Variants in CNTN6 observed in about 807,000 individuals in gnomAD.
CNTN6 encodes the protein contactin-6.
In CNTN6, 137 loss-of-function variants were observed where a neutral mutation model predicts 122.8. That is an observed-to-expected ratio of 1.12 (90% CI 0.97 to 1.29). The LOEUF (loss-of-function observed/expected upper bound fraction) is 1.29. Among genes scored for constraint, CNTN6 ranks in the 50% most tolerant of loss-of-function variants. The probability of loss-of-function intolerance (pLI) is 0.00; values close to 1 mark genes in which losing one functional copy is unlikely to be tolerated. For missense variants in CNTN6, 1,634 were observed against 1,223.4 expected (o/e 1.34, Z -5.01); for synonymous variants, 570 against 426.0 (o/e 1.34, Z -4.16).
chr3:1,139,279 C>G (rs2092556159), intron 1 of CNTN6, among the ~76,000 whole-genome samples: 1 of 151,952 alleles, frequency 6.6e-6, no homozygotes, highest in African/African-American at 2.4e-5. Flanking sequence ...GTAAGTAGTC[C>G]CTGCATTCTG....
At chr3:1,104,873 A>G (rs2091143449) in intron 1 of CNTN6, among the ~76,000 whole-genome samples, 1 of 152,074 alleles carries the variant, frequency 6.6e-6, no homozygotes, top group African/African-American at 2.4e-5. Flanking sequence ...ATATTCTCCT[A>G]ATGCTGAAGG....
At chr3:1,235,527 G>C (rs955037485) in intron 4 of CNTN6, among the ~76,000 whole-genome samples, 1 of 151,976 alleles carries the variant, frequency 6.6e-6, no homozygotes, top group Non-Finnish European at 1.5e-5. Context: ...ATCCAATATT[G>C]TCTAAAAAGT....
Position 1,373,951 on chromosome 3 carries a change from A to G in CNTN6, c.1973A>G (p.Tyr658Cys). The G allele has an allele frequency of 6.2e-7, 1 of 1,612,608 alleles. No individual in the cohort carries two copies. Among genetic ancestry groups the G allele is most frequent in the South Asian group, 1.1e-5 (1 of 90,966 alleles). ...TVPEILNGKT[Y>C]NATVVGLSPW... ...CCAGAAATTCTCAATGGTAAGACAT[A>G]CAATGCAACAGTGGTTGGTTTGAGT... The change falls in exon 16 of 23, where the codon TAC becomes TGC. Residue 658 changes from tyrosine to cysteine, a missense_variant. Transcript: ENST00000446702.
intron 4 of CNTN6, among the ~76,000 whole-genome samples, chr3:1,267,987 C>A (rs1018488006): frequency 1.3e-5 from 2 of 152,148 alleles, no homozygotes; most frequent in African/African-American, 4.8e-5. Context: ...CTGGATACTC[C>A]CCTTTTTGCC....
At chr3:1,283,254 C>G (rs1466995529) in intron 5 of CNTN6, among the ~76,000 whole-genome samples, 2 of 152,068 alleles carry the variant, frequency 1.3e-5, no homozygotes, top group Non-Finnish European at 2.9e-5. Flanking sequence ...TGCTCCCAGC[C>G]CACAAAACTT....
At position 1,401,630 on chromosome 3, in the gene CNTN6, A is replaced by T. The variant is rs934247581; in HGVS notation, c.2817+85A>T. The T allele has an allele frequency of 3.8e-5, 31 of 813,316 alleles. No homozygotes were observed. In the African/African-American group the frequency reaches 5.3e-4, roughly 14 times the overall value. 50.4% of individuals were successfully genotyped at this position (813,316 alleles called of 1,614,324 possible). On this transcript the variant is annotated intron_variant, in intron 21 of 22. Coordinates refer to ENST00000446702, the MANE Select transcript of CNTN6 (RefSeq NM_001289080.2). ...GACACCCAAATGGAAAACAAATTGG[A>T]TGCATATGGAAACACTGGAATCTTT...
At chr3:1,272,758 G>A (rs922742237) in intron 4 of CNTN6, among the ~76,000 whole-genome samples, 2 of 152,152 alleles carry the variant, frequency 1.3e-5, no homozygotes, top group South Asian at 4.1e-4. Flanking sequence ...GCACTGTCAA[G>A]TGCATCGTCT....
chr3:1,292,987 C>A (rs918235739), intron 5 of CNTN6, among the ~76,000 whole-genome samples: 1 of 151,970 alleles, frequency 6.6e-6, no homozygotes, highest in African/African-American at 2.4e-5. Context: ...CCACATGACA[C>A]TACTTTTATG....
chr3:1,205,181 G>A (rs1301739349), intron 2 of CNTN6, among the ~76,000 whole-genome samples: 5 of 152,056 alleles, frequency 3.3e-5, no homozygotes, highest in Non-Finnish European at 5.9e-5. Flanking sequence ...TCTAGAAGTC[G>A]TATAAGGCAA....
At chr3:1,279,205 G>A (rs1692941314) in intron 5 of CNTN6, among the ~76,000 whole-genome samples, 1 of 152,144 alleles carries the variant, frequency 6.6e-6, no homozygotes, top group Admixed American at 6.5e-5. Flanking sequence ...CTTGGTCAGT[G>A]GACTGGCCCG....
chr3:1,398,870 C>G (rs755163201), intron 20 of CNTN6, among the ~76,000 whole-genome samples: 27 of 152,120 alleles, frequency 1.8e-4, no homozygotes, highest in Admixed American at 3.9e-4. Context: ...AAGGTACTCA[C>G]TCCGAATGCA....
chr3:1,273,609 C>G (rs921826907), intron 4 of CNTN6, among the ~76,000 whole-genome samples: 1 of 152,106 alleles, frequency 6.6e-6, no homozygotes, highest in African/African-American at 2.4e-5. Flanking sequence ...ATAAGGCAGA[C>G]TTATATCTTG....
At chr3:1,305,206 G>T (rs1192762947) in intron 7 of CNTN6, among the ~76,000 whole-genome samples, 1 of 152,106 alleles carries the variant, frequency 6.6e-6, no homozygotes, top group Non-Finnish European at 1.5e-5. Context: ...ATACCATCAT[G>T]CAGACAGAAT....
intron 1 of CNTN6, among the ~76,000 whole-genome samples, chr3:1,103,896 TC>T (rs1163561196): frequency 2.0e-4 from 30 of 152,194 alleles, no homozygotes; most frequent in African/African-American, 7.2e-4. Context: ...TGATTTTTTT[TC>T]TACATGAAAC....
Position 1,385,728 on chromosome 3 carries a change from G to GT in CNTN6, c.2636dup (p.Arg880LysfsTer39). 1 of 1,614,052 alleles carries GT rather than the reference G, an allele frequency of 6.2e-7. No individual in the cohort carries two copies. ...AGCTAATACCATCTACTTTGCTTCC[G>GT]TAAGAGCTTACAACACTGCTGGGAC... is the stretch of plus-strand genomic sequence containing the variant. On this transcript the variant is annotated frameshift_variant, in exon 20 of 23. Transcript: ENST00000446702. LOFTEE classifies it high-confidence loss of function.
At chr3:1,328,308 A>G (rs937401683) in intron 10 of CNTN6, among the ~76,000 whole-genome samples, 9 of 151,842 alleles carry the variant, frequency 5.9e-5, no homozygotes, top group Non-Finnish European at 1.3e-4. Flanking sequence ...AAGTCCAACC[A>G]GTGGTGTCTG....
At chr3:1,202,381 A>C (rs2093888978) in intron 2 of CNTN6, among the ~76,000 whole-genome samples, 1 of 151,446 alleles carries the variant, frequency 6.6e-6, no homozygotes, top group Non-Finnish European at 1.5e-5. Flanking sequence ...TCTACTAAAA[A>C]TACAAGAAAT....
intron 8 of CNTN6, among the ~76,000 whole-genome samples, chr3:1,324,779 G>A (rs2125983862): frequency 1.3e-5 from 2 of 149,636 alleles, no homozygotes; most frequent in African/African-American, 2.5e-5. Flanking sequence ...ATGAACATGT[G>A]GAACTCAAGC....
chr3:1,385,082 C>T (rs1466219459), intron 19 of CNTN6, among the ~76,000 whole-genome samples: 1 of 151,966 alleles, frequency 6.6e-6, no homozygotes, highest in Non-Finnish European at 1.5e-5. Flanking sequence ...ACTGTGGATT[C>T]TAACCTCTTA....
Sources: gnomAD v4.1 joint callset for allele counts (sites outside exome capture counted in the v4.1 genomes callset) on GRCh38, gnomAD v4.1.1 for gene constraint, MANE v1.5 for transcripts, NCBI Gene and HGNC (gene_info 2026-07-23, HGNC 2026-07-21) for gene names.